The following TMTC4 variants were observed in gnomAD, a reference collection of about 807,000 sequenced individuals.
The protein encoded by TMTC4 is protein O-mannosyl-transferase TMTC4.
TMTC4 carries 65 observed loss-of-function variants against 86.0 expected under a neutral mutation model. The observed-to-expected ratio is 0.76, with a 90% CI of 0.62 to 0.93. TMTC4 has a LOEUF of 0.93. Among genes scored for constraint, TMTC4 ranks in the 40% least tolerant of loss-of-function variants. The probability of loss-of-function intolerance (pLI) is 0.00; values close to 1 mark genes in which losing one functional copy is unlikely to be tolerated. For synonymous variants in TMTC4, 379 were observed against 382.5 expected, an observed-to-expected ratio of 0.99 and a Z score of 0.11; for missense variants, 866 against 948.1, an observed-to-expected ratio of 0.91 and a Z score of 1.14.
chr13:100,670,616 T>TA, intron 1 of TMTC4, 47 bp from the exon 2 acceptor site: 1 of 438,816 alleles, frequency 2.3e-6, no homozygotes, highest in East Asian at 3.6e-5. Flanking sequence ...CCTCTATGCT[T>TA]ACATTTCAGC....
At chr13:100,632,133 C>T (rs879800472) in intron 12 of TMTC4, among the ~76,000 whole-genome samples, 1 of 151,170 alleles carries the variant, frequency 6.6e-6, no homozygotes, top group Non-Finnish European at 1.5e-5. Flanking sequence ...CACAAGCACA[C>T]GCCCTGTGTT....
intron 15 of TMTC4, among the ~76,000 whole-genome samples, chr13:100,615,873 A>C (rs1458617858): frequency 6.6e-6 from 1 of 152,218 alleles, no homozygotes; most frequent in Non-Finnish European, 1.5e-5. Context: ...CACAGTACCC[A>C]ATAGTTAGTG....
chr13:100,632,784 T>C (rs1267798173), intron 12 of TMTC4, among the ~76,000 whole-genome samples: 2 of 152,138 alleles, frequency 1.3e-5, no homozygotes, highest in African/African-American at 4.8e-5. Context: ...CCCTTAAATA[T>C]GGAACATAGA....
chr13:100,614,013 A>G (rs547099176), intron 16 of TMTC4, among the ~76,000 whole-genome samples: 9 of 151,578 alleles, frequency 5.9e-5, no homozygotes, highest in Non-Finnish European at 1.3e-4. Flanking sequence ...CTAATTTTGT[A>G]TTTTTAGTAC....
At chr13:100,647,513 A>G (rs1378219089) in intron 6 of TMTC4, among the ~76,000 whole-genome samples, 1 of 152,204 alleles carries the variant, frequency 6.6e-6, no homozygotes, top group Non-Finnish European at 1.5e-5. Flanking sequence ...ACTAAACATA[A>G]TACATTCCCC....
rs34236472 is a variant in TMTC4, at chr13:100,605,597, G to GA, written c.2135-456dup. On this transcript the variant is annotated intron_variant, in intron 18 of 18. Transcript: ENST00000342624. This position sits in a 1 kb window ranked among gnomAD's most constrained non-coding sequence, Gnocchi z 4.3. The stretch of plus-strand genomic sequence containing the variant: ...GTAATAGCTTGTTTGGGTCCATTTA[G>GA]AAAAAAGGCCTCTGATATCAAGAGC... Among the ~76,000 whole-genome samples the GA allele has an allele frequency of 6.6e-6, 1 of 152,034 alleles. No individual in the cohort carries two copies. The highest frequency in any genetic ancestry group is 1.5e-5 in the Non-Finnish European group (1 of 68,004).
In TMTC4 at chr13:100,625,878, T is replaced by C. The variant is rs764917209; in HGVS notation, c.1601A>G (p.Tyr534Cys). ...TCCAAGATTATTCATGGCATGAACA[T>C]ACTTGGGATTTAATCTGAAAGTTGA... ...YREAVRLNPKYVHAMNNLGNI... is the reference protein window; with the variant it reads ...YREAVRLNPKCVHAMNNLGNI... Residue 534 changes from tyrosine to cysteine, a missense_variant, in exon 14 of 19, where the codon TAT becomes TGT. Transcript: ENST00000342624. The C allele has an allele frequency of 6.2e-7, 1 of 1,612,592 alleles. No homozygotes were observed. The highest frequency in any genetic ancestry group is 8.5e-7 in the Non-Finnish European group (1 of 1,179,808).
intron 6 of TMTC4, among the ~76,000 whole-genome samples, chr13:100,649,729 G>A (rs1207359423): frequency 1.3e-5 from 2 of 150,094 alleles, no homozygotes; most frequent in African/African-American, 2.4e-5. Flanking sequence ...CCTTCACACT[G>A]GAAGAATCGC....
chr13:100,637,079 T>C (rs958236091), intron 9 of TMTC4, among the ~76,000 whole-genome samples: 7 of 152,202 alleles, frequency 4.6e-5, no homozygotes, highest in Non-Finnish European at 8.8e-5. Context: ...CAGGCTTCGA[T>C]GGCTGTTCTC....
intron 7 of TMTC4, among the ~76,000 whole-genome samples, chr13:100,640,163 G>T (rs530939513): frequency 5.3e-5 from 8 of 151,760 alleles, no homozygotes; most frequent in Non-Finnish European, 1.2e-4. Context: ...GCAGTTCTCA[G>T]GGACGATTTT....
At position 100,663,199 on chromosome 13, in the gene TMTC4, T is replaced by C. The variant is rs753102045; in HGVS notation, c.336-19A>G. 4 of 1,612,784 alleles carry C rather than the reference T, an allele frequency of 2.5e-6. No individual in the cohort carries two copies. The highest frequency in any genetic ancestry group is 2.2e-5 in the East Asian group (1 of 44,880). On this transcript the variant is annotated intron_variant, in intron 4 of 18. Transcript: ENST00000342624. ...GTTAATCCTGCAGAAACACAGGGTGTTCAGGGTACACGCGCAGCGGCATGC... is the reference window on the plus strand; with the variant it reads ...GTTAATCCTGCAGAAACACAGGGTGCTCAGGGTACACGCGCAGCGGCATGC...
At chr13:100,627,035 C>A (rs996898855) in intron 12 of TMTC4, among the ~76,000 whole-genome samples, 1 of 152,174 alleles carries the variant, frequency 6.6e-6, no homozygotes, top group Non-Finnish European at 1.5e-5. Context: ...GTCTGTGAAC[C>A]AGGAGGCAGG....
At chr13:100,621,037 A>C (rs1366846845) in intron 15 of TMTC4, among the ~76,000 whole-genome samples, 1 of 152,232 alleles carries the variant, frequency 6.6e-6, no homozygotes, top group Non-Finnish European at 1.5e-5. Context: ...ATACAGGAAG[A>C]CCATTTCACG....
At position 100,636,654 on chromosome 13, in the gene TMTC4, C is replaced by T; in HGVS notation, c.1080G>A (p.Met360Ile). 1 of 1,614,188 alleles carries T rather than the reference C, an allele frequency of 6.2e-7. No homozygotes were observed. Among genetic ancestry groups the T allele is most frequent in the Non-Finnish European group, 8.5e-7 (1 of 1,180,042 alleles). The change falls in exon 10 of 19, where the codon ATG becomes ATA. Residue 360 changes from methionine (M) to isoleucine (I), a missense_variant. Transcript: ENST00000342624. ...TGGACTTAATGAGGGGGATGCAGCC[C>T]ATTGACCAATCAAAACACAGCCACC... ...CPWWLCFDWS[M>I]GCIPLIKSIS...
chr13:100,668,489 T>C, intron 3 of TMTC4, 90 bp downstream of exon 3: 2 of 1,354,224 alleles, frequency 1.5e-6, no homozygotes, highest in Admixed American at 2.0e-5. Flanking sequence ...TTAACCTACA[T>C]TCCACAGAGA....
chr13:100,623,822 C>T, intron 15 of TMTC4: 1 of 441,260 alleles, frequency 2.3e-6, no homozygotes, highest in South Asian at 1.8e-5. Context: ...TGGGTCTTGC[C>T]TTTGTGCGGC....
At chr13:100,662,718 G>A (rs1230602404) in intron 5 of TMTC4, among the ~76,000 whole-genome samples, 2 of 152,138 alleles carry the variant, frequency 1.3e-5, no homozygotes, top group Non-Finnish European at 2.9e-5. Context: ...AGTCCCCACC[G>A]ACATGGTGCT....
At chr13:100,669,380 T>C (rs1886790215) in intron 2 of TMTC4, among the ~76,000 whole-genome samples, 1 of 152,048 alleles carries the variant, frequency 6.6e-6, no homozygotes, top group Non-Finnish European at 1.5e-5. Context: ...GCTGGGTTCC[T>C]AGGCTACTGG....
intron 12 of TMTC4, among the ~76,000 whole-genome samples, chr13:100,629,943 C>A (rs928080560): frequency 6.6e-6 from 1 of 152,012 alleles, no homozygotes; most frequent in African/African-American, 2.4e-5. Flanking sequence ...AAGAAACCAA[C>A]CCTGCTGACA....
Sources: gnomAD v4.1 joint callset for allele counts (sites outside exome capture counted in the v4.1 genomes callset) on GRCh38, gnomAD v4.1.1 for gene constraint, Gnocchi (gnomAD v3.1) non-coding constraint, MANE v1.5 for transcripts, NCBI Gene and HGNC (gene_info 2026-07-23, HGNC 2026-07-21) for gene names.